MTUS2: variants seen among roughly 807,000 people sequenced by gnomAD.
MTUS2 encodes microtubule associated scaffold protein 2.
Under a neutral mutation model 114.1 loss-of-function variants are expected in MTUS2, and 40 were observed. The observed-to-expected ratio is 0.35, with a 90% confidence interval of 0.27 to 0.46. MTUS2 has a LOEUF of 0.46. Ranked by LOEUF, MTUS2 falls within the 20% of genes least tolerant of loss-of-function variation. The pLI, the probability that MTUS2 is intolerant of heterozygous loss-of-function variation, is 1.00. For missense variants in MTUS2, 1,679 were observed against 1,705.4 expected, an observed-to-expected ratio of 0.98 and a Z score of 0.27; for synonymous variants, 688 against 672.0, an observed-to-expected ratio of 1.02 and a Z score of -0.37.
At chr13:28,917,559 T>G (rs1186902567) in intron 2 of MTUS2, among the ~76,000 whole-genome samples, 1 of 151,798 alleles carries the variant, frequency 6.6e-6, no homozygotes, top group Non-Finnish European at 1.5e-5. Context: ...ATGATATCAG[T>G]TGTAATGTCT....
intron 12 of MTUS2, among the ~76,000 whole-genome samples, chr13:29,494,660 C>T (rs1056327271): frequency 3.5e-4 from 54 of 152,128 alleles, no homozygotes; most frequent in African/African-American, 1.2e-3. Flanking sequence ...CTCATAGGCG[C>T]GCAAGCCCCC....
Position 29,026,891 on chromosome 13 carries a change from G to A in MTUS2, c.2193G>A (p.Lys731=). The A allele has an allele frequency of 1.9e-6, 3 of 1,592,106 alleles. No individual in the cohort carries two copies. The highest frequency in any genetic ancestry group is 1.7e-5 in the Admixed American group (1 of 58,622). ...PGHPFSQMSE[K]FLQEVTDHPG... is the part of the protein sequence containing the mutation. ...ATCCTTTCAGTCAAATGAGTGAAAA[G>A]TTTTTGCAGGAGGTAAGAGAATGTC... The change falls in exon 3 of 16, where the codon AAG becomes AAA. Residue 731 remains lysine, a synonymous_variant. Coordinates refer to ENST00000612955, the MANE Select transcript of MTUS2 (RefSeq NM_001033602.4).
intron 7 of MTUS2, 142 bp from the exon 8 acceptor site, chr13:29,359,120 C>T: frequency 3.7e-6 from 3 of 814,120 alleles, no homozygotes; most frequent in Non-Finnish European, 5.7e-6. Flanking sequence ...ACTGTTTTTT[C>T]TTTTCAATCC....
chr13:29,365,536 A>G (rs1870641030), intron 8 of MTUS2, among the ~76,000 whole-genome samples: 1 of 17,236 alleles, frequency 5.8e-5, no homozygotes, highest in Non-Finnish European at 2.4e-4. Context: ...GTGTAATTAA[A>G]TGTCACTTTT....
At chr13:29,453,515 A>C (rs17073412) in intron 9 of MTUS2, among the ~76,000 whole-genome samples, 12,014 of 152,250 alleles carry the variant, frequency 0.079, 611 homozygotes, top group African/African-American at 0.14. Context: ...GGTCATTCAT[A>C]TCCAGTGTAG....
chr13:29,333,325 G>A (rs1054014523), intron 7 of MTUS2, among the ~76,000 whole-genome samples: 1 of 152,086 alleles, frequency 6.6e-6, no homozygotes. Flanking sequence ...AGCCTCCCAA[G>A]TAGTGGGGAT....
At chr13:29,154,724 C>A (rs1892790041) in intron 5 of MTUS2, among the ~76,000 whole-genome samples, 1 of 152,134 alleles carries the variant, frequency 6.6e-6, no homozygotes, top group African/African-American at 2.4e-5. Context: ...AGATTTATAC[C>A]TCTTGAAATT....
At chr13:29,037,719 C>G (rs192511630) in intron 4 of MTUS2, among the ~76,000 whole-genome samples, 213 of 152,228 alleles carry the variant, frequency 1.4e-3, no homozygotes, top group Admixed American at 2.7e-3. Flanking sequence ...CCTTTTCATT[C>G]TTTTTTCTCT....
intron 4 of MTUS2, among the ~76,000 whole-genome samples, chr13:29,099,521 A>C (rs985466946): frequency 2.0e-5 from 3 of 152,056 alleles, no homozygotes; most frequent in Non-Finnish European, 4.4e-5. Flanking sequence ...TTATTCCCAC[A>C]CATAGATGCT....
intron 7 of MTUS2, among the ~76,000 whole-genome samples, chr13:29,343,312 A>G (rs989509708): frequency 6.6e-6 from 1 of 151,914 alleles, no homozygotes; most frequent in African/African-American, 2.4e-5. Flanking sequence ...GCAATTTTTT[A>G]TTATCATTTC....
intron 5 of MTUS2, among the ~76,000 whole-genome samples, chr13:29,125,535 T>A (rs1202606877): frequency 1.3e-5 from 2 of 152,246 alleles, no homozygotes; most frequent in African/African-American, 4.8e-5. Context: ...ATGAACACTT[T>A]GTCAAGAATA....
chr13:28,976,252 A>T (rs1170592392), intron 2 of MTUS2, among the ~76,000 whole-genome samples: 1 of 151,740 alleles, frequency 6.6e-6, no homozygotes, highest in Non-Finnish European at 1.5e-5. Flanking sequence ...AATTAGAGAA[A>T]TAAGATGGGA....
At chr13:29,018,022 C>T (rs1886137816) in intron 2 of MTUS2, among the ~76,000 whole-genome samples, 1 of 152,126 alleles carries the variant, frequency 6.6e-6, no homozygotes, top group Non-Finnish European at 1.5e-5. Context: ...ATTCAGGACA[C>T]AGAGAGAAAA....
rs147836610 is a variant in MTUS2 at position 28,915,592 on chromosome 13, T to C, written c.-243+75742T>C. On this transcript the variant is annotated intron_variant, in intron 2 of 15. Coordinates refer to ENST00000612955, the MANE Select transcript of MTUS2 (RefSeq NM_001033602.4). ...CACAAGCCTGTTTGTTGTTTGTAAG[T>C]CTTCTTTTGAAAAATGTTGATTCAG... is the stretch of plus-strand genomic sequence containing the variant. 1.8e-3 allele frequency among the ~76,000 whole-genome samples: 273 copies of C among 152,110 alleles called. 2 individuals are homozygous for C. Among genetic ancestry groups the C allele is most frequent in the African/African-American group, 6.3e-3 (262 of 41,574 alleles).
chr13:29,088,521 A>C (rs1234960083), intron 4 of MTUS2, among the ~76,000 whole-genome samples: 1 of 152,206 alleles, frequency 6.6e-6, no homozygotes, highest in Non-Finnish European at 1.5e-5. Flanking sequence ...TATAGGTCCC[A>C]AATATCTTCG....
At chr13:29,412,646 T>C (rs1875341000) in intron 8 of MTUS2, among the ~76,000 whole-genome samples, 1 of 152,010 alleles carries the variant, frequency 6.6e-6, no homozygotes, top group Admixed American at 6.6e-5. Flanking sequence ...TCCCAGAGCT[T>C]TGGGAGGCTG....
chr13:28,890,444 G>A (rs947092893), intron 2 of MTUS2, among the ~76,000 whole-genome samples: 2 of 152,114 alleles, frequency 1.3e-5, no homozygotes, highest in African/African-American at 4.8e-5. Context: ...GCAACTGGGA[G>A]CACGTCACTA....
chr13:29,213,122 C>T (rs1895520521), intron 5 of MTUS2, among the ~76,000 whole-genome samples: 2 of 152,208 alleles, frequency 1.3e-5, no homozygotes, highest in Non-Finnish European at 2.9e-5. Context: ...TTCTAGCATC[C>T]ATATCACTCA....
intron 2 of MTUS2, among the ~76,000 whole-genome samples, chr13:28,928,355 C>G (rs1333842931): frequency 2.6e-5 from 4 of 152,106 alleles, no homozygotes; most frequent in Non-Finnish European, 4.4e-5. Flanking sequence ...AAATTACCCA[C>G]TTGACAAGGG....
Sources: gnomAD v4.1 joint callset for allele counts (sites outside exome capture counted in the v4.1 genomes callset) on GRCh38, gnomAD v4.1.1 for gene constraint, MANE v1.5 for transcripts, NCBI Gene and HGNC (gene_info 2026-07-23, HGNC 2026-07-21) for gene names.